The following GPSM2 variants were observed in gnomAD, a reference collection of about 807,000 sequenced individuals.
The protein encoded by GPSM2 is G protein signaling modulator 2, also known as G protein-signaling modulator 2.
GPSM2 carries 58 observed loss-of-function variants against 78.4 expected under a neutral mutation model. The observed-to-expected ratio is 0.74, with a 90% CI of 0.60 to 0.92. The LOEUF (loss-of-function observed/expected upper bound fraction) is 0.92. GPSM2 is among the 40% of genes least tolerant of loss of function. The pLI is 0.00. For synonymous variants in GPSM2, 224 were observed against 280.2 expected (o/e 0.80, Z 2.00); for missense variants, 700 against 815.5 (o/e 0.86, Z 1.73).
Position 108,918,708 on chromosome 1 carries a change from A to G in GPSM2, c.1359A>G (p.Lys453=), listed in dbSNP as rs745855839. ...KLLFVNRLKG[K]KYKTNSSTKV... is the part of the protein sequence containing the mutation. The stretch of plus-strand genomic sequence containing the variant: ...TCTTTGTCAACAGACTGAAGGGGAA[A>G]AAATACAAAACGAATTCCTCCACTA... The change falls in exon 12 of 15, where the codon AAA becomes AAG. Residue 453 remains lysine (K), a synonymous_variant. Coordinates refer to ENST00000264126, the MANE Select transcript of GPSM2 (RefSeq NM_013296.5). 4.3e-6 allele frequency: 7 copies of G among 1,613,486 alleles called. No homozygotes were observed. The highest frequency in any genetic ancestry group is 5.1e-6 in the Non-Finnish European group (6 of 1,179,566).
At position 108,931,437 on chromosome 1, in the gene GPSM2, G is replaced by C. The variant is rs1232352615; in HGVS notation, c.*1497G>C. 2 of 1,550,886 alleles carry C rather than the reference G, an allele frequency of 1.3e-6. No individual in the cohort carries two copies. Among genetic ancestry groups the C allele is most frequent in the Non-Finnish European group, 1.7e-6 (2 of 1,147,068 alleles). ...CACAGACTGCAAAGGCCCACGCTTG[G>C]AACAAGTTGCCAACTTGTTTCACTC... On this transcript the variant is annotated 3_prime_UTR_variant, in exon 15 of 15. Transcript: ENST00000264126.
chr1:108,909,593 A>C (rs1292971856), intron 10 of GPSM2: 1 of 152,222 alleles, frequency 6.6e-6, no homozygotes, highest in East Asian at 1.9e-4. Flanking sequence ...TTAGAGCAAA[A>C]TTTATGTTGT....
At chr1:108,925,401 A>G (rs1651042619) in intron 14 of GPSM2, among the ~76,000 whole-genome samples, 1 of 152,190 alleles carries the variant, frequency 6.6e-6, no homozygotes, top group Admixed American at 6.5e-5. Context: ...AGCCCTGGGA[A>G]GAAAGTACCT....
chr1:108,893,100 T>C (rs898964426), intron 2 of GPSM2, among the ~76,000 whole-genome samples: 14 of 152,204 alleles, frequency 9.2e-5, no homozygotes, highest in African/African-American at 3.4e-4. Context: ...ATTCAATCTA[T>C]AGCTAAGTTT....
At position 108,918,854 on chromosome 1, in the gene GPSM2, C is replaced by A. The variant is rs192529065; in HGVS notation, c.1440+65C>A. 33 of 1,007,430 alleles carry A rather than the reference C, an allele frequency of 3.3e-5. No homozygotes were observed. The East Asian group carries it at 7.4e-4, about 23-fold the overall frequency. 62.4% of individuals were successfully genotyped at this position (1,007,430 alleles called of 1,614,324 possible). On this transcript the variant is annotated intron_variant, in intron 12 of 14. Coordinates refer to ENST00000264126, the MANE Select transcript of GPSM2 (RefSeq NM_013296.5). ...ACCGACATTTGGGTTTTCTTGTATT[C>A]ATGCTGAATTTTTAGTAATTTAAAT...
chr1:108,919,787 G>A (rs919946157), intron 12 of GPSM2, among the ~76,000 whole-genome samples: 2 of 152,128 alleles, frequency 1.3e-5, no homozygotes, highest in African/African-American at 4.8e-5. Flanking sequence ...CTGATAATCA[G>A]TATCAGGGAA....
In GPSM2 at chr1:108,897,519, G is replaced by A. The variant is rs942509086; in HGVS notation, c.306G>A (p.Ala102=). 3.7e-6 allele frequency: 6 copies of A among 1,612,972 alleles called. No individual in the cohort carries two copies. Among genetic ancestry groups the A allele is most frequent in the Admixed American group, 3.3e-5 (2 of 59,884 alleles). The change falls in exon 4 of 15, where the codon GCG becomes GCA. Residue 102 remains alanine, a synonymous_variant. Coordinates refer to ENST00000264126, the MANE Select transcript of GPSM2 (RefSeq NM_013296.5). ...CTATTGGAGACCAGCTGGGGGAAGC[G>A]AAAGCTAGTGGTAATCTGGGAAACA... is the stretch of plus-strand genomic sequence containing the variant. ...ARTIGDQLGE[A]KASGNLGNTL... is the part of the protein sequence containing the mutation.
chr1:108,913,294 C>CA (rs1306732329), intron 10 of GPSM2, among the ~76,000 whole-genome samples: 7 of 152,062 alleles, frequency 4.6e-5, no homozygotes, highest in African/African-American at 1.5e-4. Context: ...CTTATCATAG[C>CA]AAAAAAATTG....
chr1:108,917,667 A>ATATATATATATATAT (rs1179153795), intron 11 of GPSM2, among the ~76,000 whole-genome samples: 9 of 49,288 alleles, frequency 1.8e-4, no homozygotes, highest in South Asian at 7.7e-4. Context: ...TATATATATA[A>ATATATATATATATAT]ATGAGTTCTC....
At chr1:108,881,812 CTTTA>C (rs1222659149) in intron 1 of GPSM2, among the ~76,000 whole-genome samples, 13 of 152,014 alleles carry the variant, frequency 8.6e-5, no homozygotes, top group Non-Finnish European at 1.5e-4. Context: ...TATTTTGCAA[CTTTA>C]TTTATATTCA....
intron 13 of GPSM2, among the ~76,000 whole-genome samples, chr1:108,923,793 C>T (rs370229982): frequency 3.3e-5 from 5 of 152,202 alleles, no homozygotes; most frequent in African/African-American, 1.2e-4. Context: ...ATCTGAAGTA[C>T]TCTGGGGCTC....
chr1:108,877,766 G>A (rs1473476233), intron 1 of GPSM2: 2 of 152,002 alleles, frequency 1.3e-5, no homozygotes, highest in Admixed American at 1.3e-4. Flanking sequence ...GGTAGTTGCT[G>A]CAAAAAGAGT....
At position 108,931,626 on chromosome 1, in the gene GPSM2, G is replaced by C; in HGVS notation, c.*1686G>C. 2 of 1,025,186 alleles carry C rather than the reference G, an allele frequency of 2.0e-6. No homozygotes were observed. Among genetic ancestry groups the C allele is most frequent in the Non-Finnish European group, 2.5e-6 (2 of 795,382 alleles). 63.5% of individuals were successfully genotyped at this position (1,025,186 alleles called of 1,614,324 possible). On this transcript the variant is annotated 3_prime_UTR_variant, in exon 15 of 15. Transcript: ENST00000264126. The stretch of plus-strand genomic sequence containing the variant: ...TGGAATTAATTACATTAAGTGCTCA[G>C]CTAAAAAAAAAAAAAAAGTTCTAAA...
intron 12 of GPSM2, among the ~76,000 whole-genome samples, chr1:108,919,768 G>A (rs940114681): frequency 3.3e-5 from 5 of 152,150 alleles, no homozygotes; most frequent in Non-Finnish European, 5.9e-5. Context: ...TAAAAATACC[G>A]TGGGTTTACT....
chr1:108,894,922 C>T (rs913751646), intron 2 of GPSM2, among the ~76,000 whole-genome samples: 1 of 152,142 alleles, frequency 6.6e-6, no homozygotes. Context: ...CTTTACAATC[C>T]CATTTTAATT....
At chr1:108,898,278 C>T (rs933443879) in intron 5 of GPSM2, among the ~76,000 whole-genome samples, 177 bp downstream of exon 5, 8 of 152,362 alleles carry the variant, frequency 5.3e-5, no homozygotes, top group African/African-American at 1.4e-4. Flanking sequence ...TAATCTGCAG[C>T]TTTCATTTAA....
At chr1:108,887,032 G>A (rs542440731) in intron 2 of GPSM2, among the ~76,000 whole-genome samples, 68 of 152,052 alleles carry the variant, frequency 4.5e-4, no homozygotes, top group African/African-American at 1.5e-3. Flanking sequence ...GATTATAGGC[G>A]TGTGTCACCA....
chr1:108,895,107 C>A (rs917559727), intron 2 of GPSM2, among the ~76,000 whole-genome samples: 2 of 152,140 alleles, frequency 1.3e-5, no homozygotes, highest in African/African-American at 4.8e-5. Context: ...CTAACTTGTA[C>A]TTTAGAATTA....
Position 108,904,207 on chromosome 1 carries a change from A to G in GPSM2, c.1145A>G (p.Asn382Ser). The change falls in exon 10 of 15, where the codon AAT becomes AGT. Residue 382 changes from asparagine to serine, a missense_variant. Asn to Ser is a conservative substitution (Grantham distance 46, BLOSUM62 1). Transcript: ENST00000264126. ...QMVLGLSYSTNNSIMSENTEI... is the reference protein window; with the variant it reads ...QMVLGLSYSTSNSIMSENTEI... ...GTTCTTGGTCTGAGCTACAGCACAA[A>G]TAACTCCATAATGTCTGAAAATACT... The G allele has an allele frequency of 6.2e-7, 1 of 1,601,184 alleles. No individual in the cohort carries two copies. The highest frequency in any genetic ancestry group is 8.6e-7 in the Non-Finnish European group (1 of 1,168,902).
Sources: gnomAD v4.1 joint callset for allele counts (sites outside exome capture counted in the v4.1 genomes callset) on GRCh38, gnomAD v4.1.1 for gene constraint, MANE v1.5 for transcripts, NCBI Gene and HGNC (gene_info 2026-07-23, HGNC 2026-07-21) for gene names.